Variants in EFCAB6 observed in about 807,000 individuals in gnomAD.
EFCAB6 encodes EF-hand calcium-binding domain-containing protein 6.
EFCAB6 carries 156 observed loss-of-function variants against 169.8 expected under a neutral mutation model. The observed-to-expected ratio is 0.92, with a 90% confidence interval of 0.81 to 1.05. The LOEUF is 1.05. Ranked by LOEUF, EFCAB6 falls within the 50% of genes least tolerant of loss-of-function variation. The probability of loss-of-function intolerance (pLI) is 0.00; values close to 1 mark genes in which losing one functional copy is unlikely to be tolerated. For synonymous variants in EFCAB6, 698 were observed against 676.4 expected, an observed-to-expected ratio of 1.03 and a Z score of -0.50; for missense variants, 1,800 against 1,829.1, an observed-to-expected ratio of 0.98 and a Z score of 0.29.
At chr22:43,607,599 G>T (rs2053014903) in intron 22 of EFCAB6, among the ~76,000 whole-genome samples, 2 of 152,324 alleles carry the variant, frequency 1.3e-5, no homozygotes, top group Admixed American at 6.5e-5. Context: ...CATTTTGTAA[G>T]AACTTCCAGT....
chr22:43,710,429 A>G (rs1433292696), intron 10 of EFCAB6, among the ~76,000 whole-genome samples: 2 of 152,242 alleles, frequency 1.3e-5, no homozygotes, highest in Non-Finnish European at 2.9e-5. Context: ...ATGAGTTCTT[A>G]ATCATTATTA....
intron 3 of EFCAB6, among the ~76,000 whole-genome samples, chr22:43,779,802 T>C (rs144324446): frequency 1.3e-5 from 2 of 151,058 alleles, no homozygotes; most frequent in Non-Finnish European, 3.0e-5. Flanking sequence ...GTACCACCAA[T>C]AGAAATAAAA....
chr22:43,662,918 C>T (rs2057075950), intron 17 of EFCAB6, among the ~76,000 whole-genome samples: 1 of 152,232 alleles, frequency 6.6e-6, no homozygotes, highest in South Asian at 2.1e-4. Flanking sequence ...GAGTCTGACA[C>T]AGACAGACAT....
intron 5 of EFCAB6, among the ~76,000 whole-genome samples, chr22:43,762,628 C>T (rs1330618459): frequency 6.6e-6 from 1 of 152,226 alleles, no homozygotes; most frequent in East Asian, 1.9e-4. Flanking sequence ...TTGTCTCCAA[C>T]AACAAAGATA....
At chr22:43,661,625 C>T (rs757114561) in intron 17 of EFCAB6, among the ~76,000 whole-genome samples, 2 of 152,156 alleles carry the variant, frequency 1.3e-5, no homozygotes, top group Non-Finnish European at 2.9e-5. Context: ...CCCCTCCTCA[C>T]AGTAGATATC....
chr22:43,613,116 A>C (rs1044493755), intron 21 of EFCAB6, among the ~76,000 whole-genome samples: 3 of 148,058 alleles, frequency 2.0e-5, no homozygotes, highest in Non-Finnish European at 3.0e-5. Flanking sequence ...ATATAAATAT[A>C]AATATATTTA....
In EFCAB6 at chr22:43,610,875, C is replaced by T. The variant is rs2053252453; in HGVS notation, c.2563-2275G>A. ...AAATCTGAACAAATTGGAAAATCAA[C>T]AACTCTTTTTAAATCATAAGACAAG... On this transcript the variant is annotated intron_variant, in intron 21 of 31. Coordinates refer to ENST00000262726, the MANE Select transcript of EFCAB6 (RefSeq NM_022785.4). Among the ~76,000 whole-genome samples, 3 of 152,148 alleles carry T rather than the reference C, an allele frequency of 2.0e-5. No individual in the cohort carries two copies. The South Asian group carries it at 6.2e-4, about 31-fold the overall frequency.
chr22:43,604,894 C>T (rs543546766), intron 22 of EFCAB6, among the ~76,000 whole-genome samples: 5 of 152,310 alleles, frequency 3.3e-5, no homozygotes, highest in African/African-American at 4.8e-5. Flanking sequence ...AGGATCTCCA[C>T]GGATATTTCC....
intron 17 of EFCAB6, among the ~76,000 whole-genome samples, chr22:43,642,320 T>C (rs2055858250): frequency 6.6e-6 from 1 of 152,156 alleles, no homozygotes; most frequent in Non-Finnish European, 1.5e-5. Flanking sequence ...AAGAGAGTTA[T>C]GGGTTTTATT....
chr22:43,805,447 G>A (rs954375189), intron 2 of EFCAB6, among the ~76,000 whole-genome samples: 12 of 152,160 alleles, frequency 7.9e-5, no homozygotes, highest in African/African-American at 2.9e-4. Context: ...GATAAGCCAA[G>A]CACCAAAAAG....
Position 43,773,027 on chromosome 22 carries a change from C to T in EFCAB6, c.216G>A (p.Gly72=), listed in dbSNP as rs1056594426. The stretch of plus-strand genomic sequence containing the variant: ...GCTGAAAGGCTTTTTGCAACTCATC[C>T]CCTCTGTCGGTAATTTTTTGAAATA... ...RILFQKITDR[G]DELQKAFQLL... is the part of the protein sequence containing the mutation. The change falls in exon 4 of 32, where the codon GGG becomes GGA. Residue 72 remains glycine (G), a synonymous_variant. Transcript: ENST00000262726. 2 of 1,614,168 alleles carry T rather than the reference C, an allele frequency of 1.2e-6. No homozygotes were observed. The highest frequency in any genetic ancestry group is 4.5e-5 in the East Asian group (2 of 44,890).
At chr22:43,706,677 T>C (rs2058971808) in intron 10 of EFCAB6, among the ~76,000 whole-genome samples, 1 of 152,204 alleles carries the variant, frequency 6.6e-6, no homozygotes, top group African/African-American at 2.4e-5. Flanking sequence ...AAACAATTGA[T>C]CATGATCCAA....
Position 43,773,025 on chromosome 22 carries a change from T to C in EFCAB6, c.218A>G (p.Asp73Gly), listed in dbSNP as rs1163140178. 6.2e-7 allele frequency: 1 copy of C among 1,614,160 alleles called. No individual in the cohort carries two copies. The highest frequency in any genetic ancestry group is 1.7e-5 in the Admixed American group (1 of 60,014). The stretch of plus-strand genomic sequence containing the variant: ...CAGCTGAAAGGCTTTTTGCAACTCA[T>C]CCCCTCTGTCGGTAATTTTTTGAAA... ...ILFQKITDRG[D>G]ELQKAFQLLD... The change falls in exon 4 of 32, where the codon GAT (aspartate) becomes GGT (glycine). Residue 73 changes from aspartate to glycine, a missense_variant. Asp to Gly is a moderately conservative substitution (Grantham distance 94, BLOSUM62 -1). Transcript: ENST00000262726.
intron 26 of EFCAB6, among the ~76,000 whole-genome samples, chr22:43,565,467 G>A (rs144622649): frequency 6.0e-4 from 91 of 152,318 alleles, no homozygotes; most frequent in African/African-American, 1.9e-3. Context: ...GTAAGCTGTT[G>A]AGCACAGATG....
chr22:43,545,632 A>T (rs2048013097), intron 27 of EFCAB6, among the ~76,000 whole-genome samples: 1 of 152,176 alleles, frequency 6.6e-6, no homozygotes, highest in Non-Finnish European at 1.5e-5. Context: ...TCCTGGCATA[A>T]TGAGCCAGGT....
chr22:43,599,194 A>ATTTGGGACTG (rs2052289879), intron 23 of EFCAB6, among the ~76,000 whole-genome samples: 1 of 152,172 alleles, frequency 6.6e-6, no homozygotes, highest in Non-Finnish European at 1.5e-5. Flanking sequence ...CTCTTTGCTA[A>ATTTGGGACTG]GCCAGTGCAC....
intron 22 of EFCAB6, among the ~76,000 whole-genome samples, chr22:43,602,935 G>A (rs1269108765): frequency 1.3e-5 from 2 of 151,770 alleles, no homozygotes; most frequent in Non-Finnish European, 2.9e-5. Context: ...CTAGGTCCAT[G>A]TCTTATCTGC....
At chr22:43,574,622 A>C (rs2050114031) in intron 26 of EFCAB6, among the ~76,000 whole-genome samples, 1 of 148,048 alleles carries the variant, frequency 6.8e-6, no homozygotes, top group Non-Finnish European at 1.5e-5. Context: ...GTCTCCCATG[A>C]ATATGTATTC....
intron 13 of EFCAB6, among the ~76,000 whole-genome samples, 188 bp from the exon 14 acceptor site, chr22:43,672,493 A>G (rs1330607661): frequency 6.6e-6 from 1 of 152,228 alleles, no homozygotes; most frequent in African/African-American, 2.4e-5. Flanking sequence ...CTTAACTTGA[A>G]ATACTATGCA....
Sources: allele counts gnomAD v4.1 joint callset (sites outside exome capture counted in the v4.1 genomes callset), GRCh38; gene constraint gnomAD v4.1.1; transcripts MANE v1.5; gene names NCBI Gene and HGNC (gene_info 2026-07-23, HGNC 2026-07-21).